VPS13B: variants seen among roughly 807,000 people sequenced by gnomAD.
The protein encoded by VPS13B is vacuolar protein sorting 13 homolog B.
A neutral mutation model predicts 426.4 loss-of-function variants in VPS13B; 285 were observed. The ratio of observed to expected loss-of-function variants is 0.67; its 90% CI spans 0.61 to 0.74. The LOEUF (loss-of-function observed/expected upper bound fraction) is 0.74. Ranked by LOEUF, VPS13B falls within the 30% of genes least tolerant of loss-of-function variation. The pLI, the probability that VPS13B is intolerant of heterozygous loss-of-function variation, is 0.00. For synonymous variants in VPS13B, 1,676 were observed against 1,676.4 expected (o/e 1.00, Z 0.01); for missense variants, 4,537 against 4,782.6 (o/e 0.95, Z 1.51).
intron 35 of VPS13B, chr8:99,697,744 C>T (rs1035324668): frequency 4.2e-5 from 26 of 623,944 alleles, no homozygotes; most frequent in African/African-American, 1.8e-4. Flanking sequence ...AGGGCGCGCC[C>T]GTAGGGGAGA....
intron 54 of VPS13B, among the ~76,000 whole-genome samples, chr8:99,845,256 G>T (rs1248858035): frequency 6.6e-6 from 1 of 152,116 alleles, no homozygotes; most frequent in Non-Finnish European, 1.5e-5. Flanking sequence ...TAAATGCCTA[G>T]TGTGTGTCCT....
intron 17 of VPS13B, among the ~76,000 whole-genome samples, chr8:99,206,724 T>G (rs1336858545): frequency 1.3e-5 from 2 of 152,184 alleles, no homozygotes; most frequent in Admixed American, 1.3e-4. Context: ...GGAGGTATTC[T>G]TCCCAGGTGT....
At chr8:99,425,921 T>C (rs1054824124) in intron 21 of VPS13B, among the ~76,000 whole-genome samples, 11 of 152,062 alleles carry the variant, frequency 7.2e-5, no homozygotes, top group African/African-American at 2.4e-4. Flanking sequence ...TTTTTAATTT[T>C]TTATTATACT....
chr8:99,596,400 G>C (rs1482211004), intron 33 of VPS13B, among the ~76,000 whole-genome samples: 1 of 151,982 alleles, frequency 6.6e-6, no homozygotes, highest in Non-Finnish European at 1.5e-5. Context: ...GCATGTCACA[G>C]ACACTCAAAA....
chr8:99,051,867 T>C (rs1021251702), intron 3 of VPS13B, among the ~76,000 whole-genome samples: 13 of 152,236 alleles, frequency 8.5e-5, no homozygotes, highest in African/African-American at 3.1e-4. Flanking sequence ...TTGTGATTTT[T>C]GCACATTGAT....
At chr8:99,238,606 T>G (rs893348321) in intron 17 of VPS13B, among the ~76,000 whole-genome samples, 3 of 152,170 alleles carry the variant, frequency 2.0e-5, no homozygotes, top group African/African-American at 4.8e-5. Flanking sequence ...ATAATAAAAT[T>G]TATATTGATA....
At chr8:99,451,413 A>T (rs1283889314) in intron 23 of VPS13B, among the ~76,000 whole-genome samples, 1 of 152,216 alleles carries the variant, frequency 6.6e-6, no homozygotes, top group Admixed American at 6.5e-5. Flanking sequence ...CAAGACAGAT[A>T]TGGTGCTTGC....
At chr8:99,235,101 T>A (rs188478372) in intron 17 of VPS13B, among the ~76,000 whole-genome samples, 172 of 150,928 alleles carry the variant, frequency 1.1e-3, no homozygotes, top group Non-Finnish European at 1.9e-3. Context: ...GAATTGTTGG[T>A]ATAGGGGAAA....
chr8:99,433,235 C>T (rs1175240193), intron 22 of VPS13B, among the ~76,000 whole-genome samples: 1 of 152,174 alleles, frequency 6.6e-6, no homozygotes, highest in African/African-American at 2.4e-5. Flanking sequence ...ATTATCTTCA[C>T]CCACCATGGG....
intron 3 of VPS13B, among the ~76,000 whole-genome samples, chr8:99,058,727 A>T (rs1015465035): frequency 2.6e-5 from 4 of 152,218 alleles, no homozygotes; most frequent in African/African-American, 9.6e-5. Flanking sequence ...AAGAAAAGTT[A>T]TGGAGCCCAG....
At chr8:99,740,073 C>CA (rs1039414203) in intron 39 of VPS13B, among the ~76,000 whole-genome samples, 5 of 151,480 alleles carry the variant, frequency 3.3e-5, no homozygotes, top group African/African-American at 2.4e-5. Flanking sequence ...AAAAACCTTG[C>CA]AAAAAAAATT....
At chr8:99,602,871 A>C (rs1480814363) in intron 33 of VPS13B, among the ~76,000 whole-genome samples, 1 of 152,218 alleles carries the variant, frequency 6.6e-6, no homozygotes, top group African/African-American at 2.4e-5. Flanking sequence ...TGCTCAAGGA[A>C]ATAAGAGAGG....
chr8:99,193,104 A>G (rs1399918543), intron 17 of VPS13B, 47 bp downstream of exon 17: 1 of 1,581,298 alleles, frequency 6.3e-7, no homozygotes, highest in East Asian at 2.2e-5. Context: ...TTTGTGTTAG[A>G]GGCAACTAAT....
intron 17 of VPS13B, among the ~76,000 whole-genome samples, chr8:99,262,638 C>T (rs946444278): frequency 6.6e-6 from 1 of 152,166 alleles, no homozygotes; most frequent in Admixed American, 6.6e-5. Context: ...TTGACTATCT[C>T]TTTAATGCAT....
At chr8:99,754,625 T>A (rs1810550224) in intron 39 of VPS13B, among the ~76,000 whole-genome samples, 1 of 152,170 alleles carries the variant, frequency 6.6e-6, no homozygotes, top group South Asian at 2.1e-4. Flanking sequence ...TTCTATTTTT[T>A]AACTATCTAC....
intron 21 of VPS13B, among the ~76,000 whole-genome samples, chr8:99,404,050 C>T (rs1479002460): frequency 6.6e-6 from 1 of 152,120 alleles, no homozygotes. Flanking sequence ...CAGTTTTGAA[C>T]AATACAGTTT....
chr8:99,100,101 A>G (rs1263681768), intron 4 of VPS13B, among the ~76,000 whole-genome samples: 1 of 152,142 alleles, frequency 6.6e-6, no homozygotes, highest in African/African-American at 2.4e-5. Context: ...GTGAGGGATT[A>G]TAGAGACGGT....
At chr8:99,862,291 C>T (rs1816879273) in intron 58 of VPS13B, among the ~76,000 whole-genome samples, 1 of 152,212 alleles carries the variant, frequency 6.6e-6, no homozygotes, top group African/African-American at 2.4e-5. Context: ...GGCAACGCTT[C>T]CGAAGCACTG....
At chr8:99,426,117 G>A (rs1248011681) in intron 21 of VPS13B, among the ~76,000 whole-genome samples, 1 of 141,868 alleles carries the variant, frequency 7.0e-6, no homozygotes, top group Non-Finnish European at 1.5e-5. Context: ...CTGTGTCCAT[G>A]TGATCTCATT....
Sources: allele counts gnomAD v4.1 joint callset (sites outside exome capture counted in the v4.1 genomes callset), GRCh38; gene constraint gnomAD v4.1.1; transcripts MANE v1.5; gene names NCBI Gene and HGNC (gene_info 2026-07-23, HGNC 2026-07-21).